Variants in FBLN1 observed in about 807,000 individuals in gnomAD.
FBLN1 encodes fibulin-1.
In FBLN1, 34 loss-of-function variants were observed where a neutral mutation model predicts 89.7. The observed-to-expected ratio is 0.38, with a 90% CI of 0.29 to 0.50. The LOEUF is 0.50. Among genes scored for constraint, FBLN1 ranks in the 20% least tolerant of loss-of-function variants. The pLI is 0.92. For missense variants in FBLN1, 777 were observed against 988.1 expected (o/e 0.79, Z 2.86); for synonymous variants, 393 against 391.3 (o/e 1.00, Z -0.05).
chr22:45,540,622 T>A (rs1192328572), intron 8 of FBLN1, among the ~76,000 whole-genome samples: 1 of 152,224 alleles, frequency 6.6e-6, no homozygotes, highest in Non-Finnish European at 1.5e-5. Context: ...TCCTCCGAAT[T>A]TGAGCAGAAG....
At chr22:45,547,053 C>A (rs1569249814) in intron 11 of FBLN1, 32 bp from the exon 12 acceptor site, 1 of 1,613,746 alleles carries the variant, frequency 6.2e-7, no homozygotes, top group Non-Finnish European at 8.5e-7. Context: ...ACGTATGATG[C>A]TCTGAGCGGT....
intron 1 of FBLN1, among the ~76,000 whole-genome samples, chr22:45,509,385 A>G (rs1425834964): frequency 2.0e-5 from 3 of 152,134 alleles, no homozygotes; most frequent in Admixed American, 6.5e-5. Context: ...CTGGTTCACC[A>G]TCCAAGACCC....
chr22:45,538,973 T>C (rs1289445933), intron 8 of FBLN1, among the ~76,000 whole-genome samples: 2 of 152,100 alleles, frequency 1.3e-5, no homozygotes, highest in Admixed American at 6.5e-5. Context: ...TAAGGTTGGG[T>C]CACCGAGGGC....
At chr22:45,539,483 G>T (rs1478847418) in intron 8 of FBLN1, among the ~76,000 whole-genome samples, 2 of 152,112 alleles carry the variant, frequency 1.3e-5, no homozygotes, top group African/African-American at 4.8e-5. Flanking sequence ...GCAGGCGTGA[G>T]CCACCACGCC....
intron 16 of FBLN1, among the ~76,000 whole-genome samples, chr22:45,585,853 G>A (rs1035555764): frequency 6.6e-6 from 1 of 152,116 alleles, no homozygotes; most frequent in Non-Finnish European, 1.5e-5. Flanking sequence ...ATCAGAGCCT[G>A]TGCCCTGTGT....
intron 1 of FBLN1, among the ~76,000 whole-genome samples, chr22:45,504,729 G>C (rs1445014095): frequency 6.6e-6 from 1 of 152,174 alleles, no homozygotes; most frequent in African/African-American, 2.4e-5. Flanking sequence ...GTGTGTGACT[G>C]AATGAACACC....
chr22:45,553,869 C>T (rs748008693), intron 14 of FBLN1, among the ~76,000 whole-genome samples: 57 of 152,190 alleles, frequency 3.7e-4, no homozygotes, highest in Non-Finnish European at 7.1e-4. Flanking sequence ...CAAATTCCAT[C>T]CCTGGTTAGT....
rs1908588863 is a variant in FBLN1, at chr22:45,525,442, G to A, written c.186-101G>A. The stretch of plus-strand genomic sequence containing the variant: ...CTCTCTCTGTGTCTGTGGGAGCAGG[G>A]AAGGGGAGGCTCAAAGGTGAGAGCA... On this transcript the variant is annotated intron_variant, in intron 2 of 16. Transcript: ENST00000327858. 6.6e-6 allele frequency: 7 copies of A among 1,053,520 alleles called. No individual in the cohort carries two copies. The South Asian group carries it at 6.9e-5, about 10-fold the overall frequency. 65.3% of individuals were successfully genotyped at this position (1,053,520 alleles called of 1,614,324 possible). A position where few individuals can be genotyped will look rare whatever the true frequency, so the allele number is the denominator to read the frequency against.
rs1009516717 is a variant in FBLN1, at chr22:45,545,830, G to A, written c.1322-1255G>A. 6.6e-6 allele frequency among the ~76,000 whole-genome samples: 1 copy of A among 152,196 alleles called. No individual in the cohort carries two copies. Among genetic ancestry groups the A allele is most frequent in the Non-Finnish European group, 1.5e-5 (1 of 68,034 alleles). On this transcript the variant is annotated intron_variant, in intron 11 of 16. Transcript: ENST00000327858. This position sits in a 1 kb window ranked among gnomAD's most constrained non-coding sequence, Gnocchi z 5.9. ...CGCTGAACTCTGCTGTGGTAGCAGAGAAGTGGCCAGAGGACCATGGTAAAA... is the reference window on the plus strand; with the variant it reads ...CGCTGAACTCTGCTGTGGTAGCAGAAAAGTGGCCAGAGGACCATGGTAAAA...
At position 45,535,390 on chromosome 22, in the gene FBLN1, C is replaced by G. The variant is rs2088471418; in HGVS notation, c.922+53C>G. ...GGTTATTCCAGGAGGGGCCAGCGAC[C>G]TAGCCTTGGGGCAGGCCTCTAGAAT... On this transcript the variant is annotated intron_variant, in intron 8 of 16. Transcript: ENST00000327858. 24 of 1,606,752 alleles carry G rather than the reference C, an allele frequency of 1.5e-5. No homozygotes were observed. The South Asian group carries it at 2.2e-4, about 15-fold the overall frequency.
At position 45,575,182 on chromosome 22, in the gene FBLN1, C is replaced by T. The variant is rs192406269; in HGVS notation, c.1840+529C>T. Among the ~76,000 whole-genome samples, 104 of 152,244 alleles carry T rather than the reference C, an allele frequency of 6.8e-4. No individual in the cohort carries two copies. The highest frequency in any genetic ancestry group is 2.3e-3 in the African/African-American group (96 of 41,556). ...CAGCTTTCCGTTCAGGTGGTCTTTT[C>T]TTATGGGTAACGGTTGTTCTGCAGA... On this transcript the variant is annotated intron_variant, in intron 15 of 16. Coordinates refer to ENST00000327858, the MANE Select transcript of FBLN1 (RefSeq NM_006486.3). The surrounding 1 kb of genome is among the most constrained non-coding windows in gnomAD (Gnocchi z 6.3).
At chr22:45,569,271 C>T (rs1165740282) in intron 14 of FBLN1, among the ~76,000 whole-genome samples, 1 of 152,190 alleles carries the variant, frequency 6.6e-6, no homozygotes, top group Non-Finnish European at 1.5e-5. Context: ...AATGCAGTCA[C>T]ATTCAACGAG....
Position 45,550,910 on chromosome 22 carries a change from C to A in FBLN1, c.1697+295C>A, listed in dbSNP as rs1602201069. The A allele has an allele frequency of 2.1e-6, 1 of 476,630 alleles. No individual in the cohort carries two copies. Among genetic ancestry groups the A allele is most frequent in the East Asian group, 4.1e-5 (1 of 24,284 alleles). 29.5% of individuals were successfully genotyped at this position (476,630 alleles called of 1,614,324 possible). On this transcript the variant is annotated intron_variant, in intron 14 of 16. Coordinates refer to ENST00000327858, the MANE Select transcript of FBLN1 (RefSeq NM_006486.3). The surrounding 1 kb of genome is among the most constrained non-coding windows in gnomAD (Gnocchi z 8.4). The stretch of plus-strand genomic sequence containing the variant: ...CCCTCTTTTTTCCTAGGGTGGAAGC[C>A]TTGGGCAAGCTCTCTGGGCCTCAGT...
In FBLN1 at chr22:45,534,292, C is replaced by CAAA. The variant is rs136746; in HGVS notation, c.784+420_784+422dup. The stretch of plus-strand genomic sequence containing the variant: ...TTCAGGTTCTCACATGTACTTTCTA[C>CAAA]AAAAAAAAAAAAAAAAAAAAAAAAA... On this transcript the variant is annotated intron_variant, in intron 7 of 16. Coordinates refer to ENST00000327858, the MANE Select transcript of FBLN1 (RefSeq NM_006486.3). Among the ~76,000 whole-genome samples, 2 of 83,206 alleles carry CAAA rather than the reference C, an allele frequency of 2.4e-5. 1 individual carries two copies. The highest frequency in any genetic ancestry group is 9.5e-5 in the African/African-American group (2 of 21,006). 54.6% of individuals were successfully genotyped at this position (83,206 alleles called of 152,430 possible).
At chr22:45,513,755 A>C (rs565303560) in intron 1 of FBLN1, among the ~76,000 whole-genome samples, 1 of 152,252 alleles carries the variant, frequency 6.6e-6, no homozygotes, top group Admixed American at 6.5e-5. Flanking sequence ...GGGTCACCAT[A>C]CGTGCCTTAC....
At chr22:45,507,554 G>A (rs1232020766) in intron 1 of FBLN1, among the ~76,000 whole-genome samples, 1 of 152,070 alleles carries the variant, frequency 6.6e-6, no homozygotes, top group Non-Finnish European at 1.5e-5. Flanking sequence ...TTGAGACGGG[G>A]TCTCACTCTG....
intron 14 of FBLN1, among the ~76,000 whole-genome samples, chr22:45,571,571 T>A (rs1438434150): frequency 6.6e-6 from 1 of 152,248 alleles, no homozygotes; most frequent in Non-Finnish European, 1.5e-5. Flanking sequence ...CTGAGGCTAC[T>A]GTGTAGGTAA....
chr22:45,525,227 AAAG>A (rs2088309555), intron 2 of FBLN1, among the ~76,000 whole-genome samples: 1 of 152,116 alleles, frequency 6.6e-6, no homozygotes, highest in African/African-American at 2.4e-5. Context: ...GAGAAAAAGA[AAAG>A]AAAAGAAAGA....
chr22:45,525,497 G>C, intron 2 of FBLN1, 46 bp from the exon 3 acceptor site: 1 of 1,544,928 alleles, frequency 6.5e-7, no homozygotes, highest in Non-Finnish European at 8.7e-7. Flanking sequence ...CGTGCCCTGG[G>C]CCCCCTGCGC....
Sources: allele counts gnomAD v4.1 joint callset (sites outside exome capture counted in the v4.1 genomes callset), GRCh38; gene constraint gnomAD v4.1.1; non-coding constraint Gnocchi (gnomAD v3.1); transcripts MANE v1.5; gene names NCBI Gene and HGNC (gene_info 2026-07-23, HGNC 2026-07-21).